The following LRRN2 variants were observed in gnomAD, a reference collection of about 807,000 sequenced individuals.
LRRN2 encodes leucine rich repeat neuronal 2.
LRRN2 carries 10 observed loss-of-function variants against 35.7 expected under a neutral mutation model. The ratio of observed to expected loss-of-function variants is 0.28; its 90% CI spans 0.17 to 0.47. The LOEUF (loss-of-function observed/expected upper bound fraction) is 0.47. Among genes scored for constraint, LRRN2 ranks in the 20% least tolerant of loss-of-function variants. The pLI, the probability that LRRN2 is intolerant of heterozygous loss-of-function variation, is 0.99. For synonymous variants in LRRN2, 391 were observed against 409.6 expected (o/e 0.95, Z 0.55); for missense variants, 731 against 940.3 (o/e 0.78, Z 2.91).
At chr1:204,651,742 C>T (rs924833025) in intron 1 of LRRN2, among the ~76,000 whole-genome samples, 11 of 152,216 alleles carry the variant, frequency 7.2e-5, no homozygotes, top group Non-Finnish European at 1.2e-4. Context: ...CTGTCGGACA[C>T]AGGAGCAGGT....
At chr1:204,646,037 C>T (rs1267451796) in intron 1 of LRRN2, among the ~76,000 whole-genome samples, 1 of 152,156 alleles carries the variant, frequency 6.6e-6, no homozygotes, top group Non-Finnish European at 1.5e-5. Flanking sequence ...GACCTGTCAT[C>T]CCACCATGCT....
At chr1:204,662,753 G>T (rs1354560248) in intron 1 of LRRN2, among the ~76,000 whole-genome samples, 2 of 152,308 alleles carry the variant, frequency 1.3e-5, no homozygotes, top group Admixed American at 1.3e-4. Context: ...ATACACATTT[G>T]ATGAGTAACT....
At chr1:204,683,020 G>A (rs1453035525) in intron 1 of LRRN2, 1 of 152,278 alleles carries the variant, frequency 6.6e-6, no homozygotes, top group Non-Finnish European at 1.5e-5. Context: ...GAGGCACACA[G>A]TAGGCACTCA....
In LRRN2 at chr1:204,652,029, C is replaced by T. The variant is rs542866617; in HGVS notation, c.-226-31811G>A. ...GTGGCTTTCCCCAGTGGGATGCTGG[C>T]ATTCTGCCAAGCAGCACACAACAGG... On this transcript the variant is annotated intron_variant, in intron 1 of 1. Coordinates refer to ENST00000367177, the MANE Select transcript of LRRN2 (RefSeq NM_201630.2). Among the ~76,000 whole-genome samples the T allele has an allele frequency of 2.8e-4, 43 of 152,356 alleles. No individual in the cohort carries two copies. In the East Asian group the frequency reaches 5.2e-3, roughly 18 times the overall value.
intron 1 of LRRN2, among the ~76,000 whole-genome samples, chr1:204,653,203 C>T (rs1158572204): frequency 6.6e-6 from 1 of 152,206 alleles, no homozygotes; most frequent in African/African-American, 2.4e-5. Context: ...TAAGGGCACA[C>T]ACTGAACTCT....
intron 1 of LRRN2, among the ~76,000 whole-genome samples, chr1:204,624,559 A>C (rs1348169799): frequency 2.0e-5 from 3 of 152,232 alleles, no homozygotes; most frequent in Non-Finnish European, 4.4e-5. Context: ...ATTAATCCAC[A>C]ATGCCCCTGA....
intron 1 of LRRN2, among the ~76,000 whole-genome samples, chr1:204,653,673 C>A (rs1423706789): frequency 6.6e-6 from 1 of 151,840 alleles, no homozygotes; most frequent in Non-Finnish European, 1.5e-5. Flanking sequence ...CCAGCCTGGG[C>A]AACATAGTGA....
In LRRN2 at chr1:204,618,298, C is replaced by G; in HGVS notation, c.1695G>C (p.Arg565=). Residue 565 remains arginine, a synonymous_variant, in exon 2 of 2, where the codon CGG becomes CGC. Coordinates refer to ENST00000367177, the MANE Select transcript of LRRN2 (RefSeq NM_201630.2). ...NLTWSSASSL[R]GQGATALARL... ...GGGCCAGAGCTGTGGCCCCCTGGCC[C>G]CGGAGGGAGGAGGCACTGGACCAGG... is the stretch of plus-strand genomic sequence containing the variant. The G allele has an allele frequency of 6.3e-7, 1 of 1,598,754 alleles. No individual in the cohort carries two copies. Among genetic ancestry groups the G allele is most frequent in the Non-Finnish European group, 8.5e-7 (1 of 1,171,878 alleles).
chr1:204,620,914 A>C (rs184175844), intron 1 of LRRN2: 2 of 167,194 alleles, frequency 1.2e-5, no homozygotes, highest in Admixed American at 1.3e-4. Context: ...AAGTTTCCAG[A>C]AGTTCCTCTG....
intron 1 of LRRN2, among the ~76,000 whole-genome samples, chr1:204,653,809 T>A (rs1377475050): frequency 6.6e-6 from 1 of 150,504 alleles, no homozygotes; most frequent in African/African-American, 2.5e-5. Context: ...CTACAGTGAG[T>A]TAGGGTAGTA....
chr1:204,648,479 A>G (rs72753873), intron 1 of LRRN2, among the ~76,000 whole-genome samples: 3,341 of 152,244 alleles, frequency 0.022, 60 homozygotes, highest in Non-Finnish European at 0.032. Context: ...TCCAGTTCGT[A>G]TGTCCACTGA....
chr1:204,619,885 C>A lies in LRRN2; in HGVS notation c.108G>T (p.Gln36His), dbSNP rs1427211816. Reference protein sequence around the residue: ...HVPCPPQCACQIRPWYTPRSS... With the variant: ...HVPCPPQCACHIRPWYTPRSS... Reference sequence around the variant, plus strand: ...AGCGGGGCGTATACCAGGGCCGGATCTGGCAGGCACACTGAGGGGGGCAGG... The same window carrying A: ...AGCGGGGCGTATACCAGGGCCGGATATGGCAGGCACACTGAGGGGGGCAGG... Residue 36 changes from glutamine to histidine, a missense_variant, in exon 2 of 2, where the codon CAG becomes CAT. Physicochemically the swap from Gln to His is conservative, Grantham distance 24. Transcript: ENST00000367177. The A allele has an allele frequency of 1.2e-6, 2 of 1,613,736 alleles. No individual in the cohort carries two copies. The highest frequency in any genetic ancestry group is 2.2e-5 in the South Asian group (2 of 91,036).
chr1:204,652,091 T>C (rs1668239140), intron 1 of LRRN2, among the ~76,000 whole-genome samples: 1 of 152,104 alleles, frequency 6.6e-6, no homozygotes, highest in Non-Finnish European at 1.5e-5. Context: ...AGTGAGACAA[T>C]AGGAGGCTGG....
intron 1 of LRRN2, among the ~76,000 whole-genome samples, chr1:204,626,326 T>C (rs1403602563): frequency 6.6e-6 from 1 of 152,104 alleles, no homozygotes; most frequent in African/African-American, 2.4e-5. Context: ...CTTCTGGCCT[T>C]GTCCTGTACG....
At chr1:204,660,647 C>G (rs1668453384) in intron 1 of LRRN2, among the ~76,000 whole-genome samples, 1 of 151,586 alleles carries the variant, frequency 6.6e-6, no homozygotes. Context: ...CCTGGCTGTG[C>G]GTGTGAAGGA....
At chr1:204,681,750 C>T (rs1323816875) in intron 1 of LRRN2, among the ~76,000 whole-genome samples, 2 of 152,222 alleles carry the variant, frequency 1.3e-5, no homozygotes, top group Non-Finnish European at 1.5e-5. Context: ...CTGTAGGCCA[C>T]GGAGACCCAG....
chr1:204,652,265 C>CCCGA (rs1324418145), intron 1 of LRRN2, among the ~76,000 whole-genome samples: 1 of 87,304 alleles, frequency 1.1e-5, no homozygotes, highest in Non-Finnish European at 2.2e-5. Flanking sequence ...TCACCGCCCC[C>CCCGA]CCCCCGCCCC....
intron 1 of LRRN2, among the ~76,000 whole-genome samples, chr1:204,639,199 A>G (rs1354084037): frequency 6.6e-6 from 1 of 152,246 alleles, no homozygotes; most frequent in Non-Finnish European, 1.5e-5. Context: ...CCACTGAGCA[A>G]GGGGTGACAC....
chr1:204,655,804 G>A (rs1042201523), intron 1 of LRRN2, among the ~76,000 whole-genome samples: 5 of 152,208 alleles, frequency 3.3e-5, no homozygotes, highest in Non-Finnish European at 5.9e-5. Flanking sequence ...GGGGGCTGCC[G>A]ACAGGACAAG....
Sources: gnomAD v4.1 joint callset for allele counts (sites outside exome capture counted in the v4.1 genomes callset) on GRCh38, gnomAD v4.1.1 for gene constraint, MANE v1.5 for transcripts, NCBI Gene and HGNC (gene_info 2026-07-23, HGNC 2026-07-21) for gene names.